FAM20C: variants seen among roughly 807,000 people sequenced by gnomAD.
FAM20C encodes the protein extracellular serine/threonine protein kinase FAM20C.
Under a neutral mutation model 51.5 loss-of-function variants are expected in FAM20C, and 40 were observed. That is an observed-to-expected ratio of 0.78 (90% CI 0.60 to 1.01). FAM20C has a LOEUF of 1.01. Ranked by LOEUF, FAM20C falls within the 50% of genes least tolerant of loss-of-function variation. FAM20C has a pLI of 0.00. For synonymous variants in FAM20C, 406 were observed against 380.6 expected, an observed-to-expected ratio of 1.07 and a Z score of -0.78; for missense variants, 861 against 844.7, an observed-to-expected ratio of 1.02 and a Z score of -0.24.
intron 3 of FAM20C, among the ~76,000 whole-genome samples, chr7:236,860 T>C (rs1391894026): frequency 1.3e-5 from 2 of 152,030 alleles, no homozygotes; most frequent in Non-Finnish European, 2.9e-5. Flanking sequence ...TGCCCTGGAA[T>C]CTGGGGTCCC....
chr7:211,179 CCCAACCTCCCTCAGCCTCCT>C (rs1376868727), intron 3 of FAM20C, among the ~76,000 whole-genome samples: 36 of 148,012 alleles, frequency 2.4e-4, no homozygotes, highest in African/African-American at 7.0e-4. Context: ...GCCAACCTCC[CCCAACCTCCCTCAGCCTCCT>C]CCAACCTCCC....
chr7:217,433 G>A (rs1554251302), intron 3 of FAM20C, among the ~76,000 whole-genome samples: 1 of 4,766 alleles, frequency 2.1e-4, no homozygotes, highest in African/African-American at 8.1e-4. Context: ...GCTGCATTTG[G>A]CTGTTTGTGC....
At position 225,954 on chromosome 7, in the gene FAM20C, T is replaced by C. The variant is rs28615255; in HGVS notation, c.863+16978T>C. 4.0e-3 allele frequency among the ~76,000 whole-genome samples: 190 copies of C among 47,782 alleles called. 21 individuals are homozygous for C. The highest frequency in any genetic ancestry group is 0.012 in the African/African-American group (167 of 13,582). 31.3% of individuals were successfully genotyped at this position (47,782 alleles called of 152,430 possible). A position where few individuals can be genotyped will look rare whatever the true frequency, so the allele number is the denominator to read the frequency against. ...CGGCTGTCCCCTGAGCCTTCTCTCATTGCGCAGAATGGCACCCTCATGGGG... is the reference window on the plus strand; with the variant it reads ...CGGCTGTCCCCTGAGCCTTCTCTCACTGCGCAGAATGGCACCCTCATGGGG... On this transcript the variant is annotated intron_variant, in intron 3 of 9. Coordinates refer to ENST00000313766, the MANE Select transcript of FAM20C (RefSeq NM_020223.4).
chr7:194,056 C>T, intron 1 of FAM20C: 1 of 500,590 alleles, frequency 2.0e-6, no homozygotes. Context: ...GACCCCGCGC[C>T]CTTTAGAAGC....
intron 3 of FAM20C, among the ~76,000 whole-genome samples, chr7:223,677 C>T (rs1410505845): frequency 6.6e-6 from 1 of 152,234 alleles, no homozygotes; most frequent in Admixed American, 6.5e-5. Flanking sequence ...CCTGCAGCTG[C>T]AGTCACAGGG....
intron 3 of FAM20C, among the ~76,000 whole-genome samples, chr7:209,244 T>A (rs1447285407): frequency 1.3e-5 from 2 of 152,192 alleles, no homozygotes; most frequent in Non-Finnish European, 1.5e-5. Flanking sequence ...TAAGCATTTG[T>A]ATTTTAAACA....
At chr7:205,577 T>G (rs1583285999) in intron 2 of FAM20C, among the ~76,000 whole-genome samples, 1 of 151,712 alleles carries the variant, frequency 6.6e-6, no homozygotes, top group South Asian at 2.1e-4. Flanking sequence ...GGGCGGGAGG[T>G]GCAGACCCCT....
chr7:246,368 G>A (rs1362620464), intron 3 of FAM20C, 47 bp from the exon 4 acceptor site: 2 of 1,489,164 alleles, frequency 1.3e-6, no homozygotes, highest in East Asian at 2.5e-5. Context: ...GGCCCCTGGA[G>A]GCTTTCTCAG....
chr7:207,406 C>T (rs917459191), intron 2 of FAM20C, among the ~76,000 whole-genome samples: 1 of 152,236 alleles, frequency 6.6e-6, no homozygotes, highest in African/African-American at 2.4e-5. Context: ...TCACTGTCTC[C>T]TTCAGGGCCC....
chr7:201,886 C>G (rs1017760858), intron 2 of FAM20C, among the ~76,000 whole-genome samples: 1 of 152,206 alleles, frequency 6.6e-6, no homozygotes, highest in Non-Finnish European at 1.5e-5. Flanking sequence ...AATGAAGGCA[C>G]AGGGCACTCT....
Position 256,776 on chromosome 7 carries a change from G to C in FAM20C, c.1363+13G>C, listed in dbSNP as rs1010282171. On this transcript the variant is annotated intron_variant, in intron 7 of 9. Transcript: ENST00000313766. ...GACTTCCTCATGGGTACGTCCCGCAGGGGCACGGGGTCCCCGTGTCACTCG... is the reference window on the plus strand; with the variant it reads ...GACTTCCTCATGGGTACGTCCCGCACGGGCACGGGGTCCCCGTGTCACTCG... 4 of 1,534,248 alleles carry C rather than the reference G, an allele frequency of 2.6e-6. No homozygotes were observed. The highest frequency in any genetic ancestry group is 2.7e-5 in the African/African-American group (2 of 73,034).
intron 1 of FAM20C, among the ~76,000 whole-genome samples, chr7:194,377 C>T (rs1332982563): frequency 6.6e-6 from 1 of 152,070 alleles, no homozygotes; most frequent in Non-Finnish European, 1.5e-5. Flanking sequence ...CGGCAGGAAC[C>T]TCTCTTTAAA....
chr7:222,961 T>C (rs1217207672), intron 3 of FAM20C, among the ~76,000 whole-genome samples: 2 of 151,950 alleles, frequency 1.3e-5, no homozygotes. Flanking sequence ...TGTGAGGGCG[T>C]TCATCTGTTG....
intron 3 of FAM20C, chr7:246,085 G>A (rs1216703930): frequency 4.3e-6 from 1 of 230,228 alleles, no homozygotes; most frequent in East Asian, 1.0e-4. Context: ...GTGCAGGAGA[G>A]GCCTTTGAGC....
Position 247,796 on chromosome 7 carries a change from CCA to C in FAM20C, c.957-517_957-516del, listed in dbSNP as rs757800331. Among the ~76,000 whole-genome samples, 14 of 152,300 alleles carry C rather than the reference CCA, an allele frequency of 9.2e-5. No individual in the cohort carries two copies. In the South Asian group the frequency reaches 2.5e-3, roughly 27 times the overall value. On this transcript the variant is annotated intron_variant, in intron 4 of 9. Transcript: ENST00000313766. The stretch of plus-strand genomic sequence containing the variant: ...CTGACAGGTGGAGGGGGAGGGTGCT[CCA>C]CGCAGAGGCGTGGTCGGGCCTTGGG...
chr7:259,815 G>T lies in FAM20C; in HGVS notation c.1590G>T (p.Arg530=). 1 of 1,536,508 alleles carries T rather than the reference G, an allele frequency of 6.5e-7. No individual in the cohort carries two copies. The highest frequency in any genetic ancestry group is 8.7e-7 in the Non-Finnish European group (1 of 1,146,892). The change falls in exon 10 of 10, where the codon CGG becomes CGT. Residue 530 remains arginine, a synonymous_variant. Transcript: ENST00000313766. The part of the protein sequence containing the change: ...KLSLLMAESL[R]GDQVAPVLYQ... ...GCCTGCTGATGGCCGAGTCTCTGCG[G>T]GGGGACCAGGTGGCACCCGTGCTGT...
chr7:223,134 C>G (rs1165785316), intron 3 of FAM20C, among the ~76,000 whole-genome samples: 1 of 152,082 alleles, frequency 6.6e-6, no homozygotes, highest in Non-Finnish European at 1.5e-5. Context: ...GTGTGTGTTC[C>G]TATGAAGGGC....
At chr7:251,610 G>T (rs1338936308) in intron 5 of FAM20C, among the ~76,000 whole-genome samples, 1 of 152,158 alleles carries the variant, frequency 6.6e-6, no homozygotes, top group Non-Finnish European at 1.5e-5. Context: ...GGAATCCCCA[G>T]GTCCTCAGCA....
In FAM20C at chr7:193,345, C is replaced by A; in HGVS notation, c.146C>A (p.Ala49Glu). 4 of 1,290,654 alleles carry A rather than the reference C, an allele frequency of 3.1e-6. No individual in the cohort carries two copies. The highest frequency in any genetic ancestry group is 3.9e-6 in the Non-Finnish European group (4 of 1,017,528). The allele number at this position is 1,290,654 out of a possible 1,614,324, so 80.0% of individuals were successfully genotyped here. Residue 49 changes from alanine (A) to glutamate (E), a missense_variant, in exon 1 of 10, where the codon GCG (alanine) becomes GAG (glutamate). Ala to Glu is a moderately radical substitution (Grantham distance 107). Coordinates refer to ENST00000313766, the MANE Select transcript of FAM20C (RefSeq NM_020223.4). Reference sequence around the variant, plus strand: ...TCGGGGGAGCCCGGCTGTTCGTGCGCGCAGCCCGCCGCCGAGGTGGCCGCG... The same window carrying A: ...TCGGGGGAGCCCGGCTGTTCGTGCGAGCAGCCCGCCGCCGAGGTGGCCGCG... ...RPSGEPGCSC[A>E]QPAAEVAAPG...
Sources: gnomAD v4.1 joint callset for allele counts (sites outside exome capture counted in the v4.1 genomes callset) on GRCh38, gnomAD v4.1.1 for gene constraint, MANE v1.5 for transcripts, NCBI Gene and HGNC (gene_info 2026-07-23, HGNC 2026-07-21) for gene names.